ARHGEF17: variants seen among roughly 807,000 people sequenced by gnomAD.
The protein encoded by ARHGEF17 is 164 kDa Rho-specific guanine-nucleotide exchange factor.
A neutral mutation model predicts 174.0 loss-of-function variants in ARHGEF17; 80 were observed. The ratio of observed to expected loss-of-function variants is 0.46; its 90% CI spans 0.38 to 0.55. The LOEUF is 0.55. Among genes scored for constraint, ARHGEF17 ranks in the 20% least tolerant of loss-of-function variants. The pLI is 0.00. For synonymous variants in ARHGEF17, 1,311 were observed against 1,189.1 expected, an observed-to-expected ratio of 1.10 and a Z score of -2.11; for missense variants, 2,886 against 2,839.7, an observed-to-expected ratio of 1.02 and a Z score of -0.37.
rs529745637 is a variant in ARHGEF17, at chr11:73,311,062, C to T, written c.2424C>T (p.Gly808=). Residue 808 remains glycine (G), a synonymous_variant, in exon 1 of 21, where the codon GGC becomes GGT. Transcript: ENST00000263674. ...EVIQSIVQGP[G]TLGRVVDDRI... ...TTCAGAGCATAGTTCAGGGGCCTGG[C>T]ACCCTGGGGCGTGTGGTGGACGACA... is the stretch of plus-strand genomic sequence containing the variant. 3 of 1,610,344 alleles carry T rather than the reference C, an allele frequency of 1.9e-6. No homozygotes were observed. The highest frequency in any genetic ancestry group is 2.2e-5 in the South Asian group (2 of 91,060).
intron 1 of ARHGEF17, 65 bp from the exon 2 acceptor site, chr11:73,346,818 G>A (rs1326436007): frequency 7.7e-7 from 1 of 1,297,568 alleles, no homozygotes; most frequent in Non-Finnish European, 1.0e-6. Context: ...GGCACCATGT[G>A]GCTACAGGTG....
chr11:73,320,927 G>T (rs1865008023), intron 1 of ARHGEF17, among the ~76,000 whole-genome samples: 1 of 152,214 alleles, frequency 6.6e-6, no homozygotes, highest in African/African-American at 2.4e-5. Flanking sequence ...CTCCCAAAGT[G>T]CTGGGATGAT....
Position 73,308,878 on chromosome 11 carries a change from G to T in ARHGEF17, c.240G>T (p.Pro80=). The T allele has an allele frequency of 7.4e-7, 1 of 1,356,560 alleles. No individual in the cohort carries two copies. Among genetic ancestry groups the T allele is most frequent in the Non-Finnish European group, 9.4e-7 (1 of 1,060,788 alleles). The allele number at this position is 1,356,560 out of a possible 1,614,324, so 84.0% of individuals were successfully genotyped here. A position where few individuals can be genotyped will look rare whatever the true frequency, so the allele number is the denominator to read the frequency against. ...AQPRPLRSLS[P]SVRQLSRRFD... ...CGCGCCCGCTCCGCAGCCTCTCGCC[G>T]TCGGTTCGCCAGCTCTCCCGGCGCT... is the stretch of plus-strand genomic sequence containing the variant. The change falls in exon 1 of 21, where the codon CCG becomes CCT. Residue 80 remains proline (P), a synonymous_variant. Coordinates refer to ENST00000263674, the MANE Select transcript of ARHGEF17 (RefSeq NM_014786.4).
At position 73,310,078 on chromosome 11, in the gene ARHGEF17, A is replaced by G. The variant is rs150819195; in HGVS notation, c.1440A>G (p.Ser480=). 4,686 of 1,614,160 alleles carry G rather than the reference A, an allele frequency of 2.9e-3. 10 individuals are homozygous for G. The highest frequency in any genetic ancestry group is 2.9e-3 in the Non-Finnish European group (3,441 of 1,180,020). Reference sequence around the variant, plus strand: ...TGACGCTTCTCAGTTTCCTGCGCTCAGACCTTTCAGAGCTGAGGGTCCGAA... The same window carrying G: ...TGACGCTTCTCAGTTTCCTGCGCTCGGACCTTTCAGAGCTGAGGGTCCGAA... ...ETLTLLSFLR[S]DLSELRVRKP... Residue 480 remains serine (S), a synonymous_variant, in exon 1 of 21, where the codon TCA becomes TCG. Transcript: ENST00000263674.
intron 1 of ARHGEF17, among the ~76,000 whole-genome samples, chr11:73,318,033 T>A (rs1480110901): frequency 6.6e-6 from 1 of 152,056 alleles, no homozygotes; most frequent in African/African-American, 2.4e-5. Context: ...CTGTCCATGC[T>A]CTTGGGCACC....
intron 1 of ARHGEF17, among the ~76,000 whole-genome samples, chr11:73,341,984 C>T (rs551658504): frequency 1.2e-3 from 177 of 148,618 alleles, no homozygotes; most frequent in African/African-American, 4.2e-3. Context: ...GGTTGCTCGC[C>T]CCCACCCCTC....
rs200461350 is a variant in ARHGEF17, at chr11:73,311,474, A to T, written c.2836A>T (p.Ser946Cys). 25 of 1,613,180 alleles carry T rather than the reference A, an allele frequency of 1.5e-5. No homozygotes were observed. The East Asian group carries it at 5.6e-4, about 36-fold the overall frequency. ...CGAGGGCAGTCAGGACCAGACTGGC[A>T]GCCTGTCTCGGGCCCGGCCCTCCTC... ...RDEGSQDQTGSLSRARPSSRH... is the reference protein window; with the variant it reads ...RDEGSQDQTGCLSRARPSSRH... The change falls in exon 1 of 21, where the codon AGC becomes TGC. Residue 946 changes from serine to cysteine, a missense_variant. By Grantham distance (112) the Ser-to-Cys change is moderately radical (BLOSUM62 -1). Around this residue, in one of 4 missense-constraint regions of ARHGEF17, gnomAD observed 1,728 missense variants for 1,461.2 expected, o/e 1.18. Transcript: ENST00000263674.
intron 9 of ARHGEF17, 44 bp downstream of exon 9, chr11:73,357,371 G>C (rs1865663429): frequency 1.3e-6 from 2 of 1,564,392 alleles, no homozygotes; most frequent in South Asian, 2.3e-5. Flanking sequence ...GTCTTCCTCT[G>C]AGAAGCCCTC....
At position 73,330,466 on chromosome 11, in the gene ARHGEF17, G is replaced by A. The variant is rs141503371; in HGVS notation, c.3193-16417G>A. Among the ~76,000 whole-genome samples, 287 of 152,250 alleles carry A rather than the reference G, an allele frequency of 1.9e-3. 1 individual carries two copies. Among genetic ancestry groups the A allele is most frequent in the Non-Finnish European group, 3.4e-3 (229 of 68,032 alleles). On this transcript the variant is annotated intron_variant, in intron 1 of 20. Transcript: ENST00000263674. Reference sequence around the variant, plus strand: ...CTGGTGTGTAGTATGAGTTATGACTGCAACTCTTTTTTTTCTGGATGGTTG... The same window carrying A: ...CTGGTGTGTAGTATGAGTTATGACTACAACTCTTTTTTTTCTGGATGGTTG...
Position 73,308,726 on chromosome 11 carries a change from G to C in ARHGEF17, c.88G>C (p.Glu30Gln). 1 of 1,512,390 alleles carries C rather than the reference G, an allele frequency of 6.6e-7. No homozygotes were observed. Among genetic ancestry groups the C allele is most frequent in the South Asian group, 1.2e-5 (1 of 81,084 alleles). The allele number at this position is 1,512,390 out of a possible 1,614,324, so 93.7% of individuals were successfully genotyped here. A position where few individuals can be genotyped will look rare whatever the true frequency, so the allele number is the denominator to read the frequency against. Residue 30 changes from glutamate to glutamine, a missense_variant, in exon 1 of 21, where the codon GAG (glutamate) becomes CAG (glutamine). Transcript: ENST00000263674. Reference protein sequence around the residue: ...ERWSGGPGLREEDTDTPGLRR... With the variant: ...ERWSGGPGLRQEDTDTPGLRR... ...CTGGAGCGGCGGCCCCGGGCTGAGG[G>C]AGGAGGACACGGACACCCCCGGCTT...
chr11:73,323,790 TAGG>T (rs35418893), intron 1 of ARHGEF17, among the ~76,000 whole-genome samples: 6,510 of 152,312 alleles, frequency 0.043, 272 homozygotes, highest in Admixed American at 0.11. Context: ...GGTGGAGGAA[TAGG>T]AGAAGGGTGG....
chr11:73,329,339 A>G (rs1227056856), intron 1 of ARHGEF17, among the ~76,000 whole-genome samples: 90 of 2,114 alleles, frequency 0.043, 12 homozygotes, highest in African/African-American at 0.11. Context: ...ATATATATAT[A>G]TATATATATA....
intron 1 of ARHGEF17, among the ~76,000 whole-genome samples, chr11:73,339,006 G>T (rs567848110): frequency 6.6e-6 from 1 of 152,254 alleles, no homozygotes; most frequent in African/African-American, 2.4e-5. Context: ...GAGATTATGG[G>T]GTTCCTAGTC....
At chr11:73,346,822 AC>A (rs1865468833) in intron 1 of ARHGEF17, 60 bp from the exon 2 acceptor site, 2 of 1,303,038 alleles carry the variant, frequency 1.5e-6, no homozygotes, top group South Asian at 3.5e-5. Context: ...CCATGTGGCT[AC>A]AGGTGATGGG....
chr11:73,352,742 T>G, intron 2 of ARHGEF17, 88 bp from the exon 3 acceptor site: 1 of 1,457,476 alleles, frequency 6.9e-7, no homozygotes, highest in East Asian at 2.3e-5. Flanking sequence ...CCCGGGTGAT[T>G]CTGTGTGCAC....
At chr11:73,367,377 G>A (rs1050066919) in intron 20 of ARHGEF17, among the ~76,000 whole-genome samples, 2 of 152,222 alleles carry the variant, frequency 1.3e-5, no homozygotes, top group Non-Finnish European at 2.9e-5. Flanking sequence ...CCTGACTAGA[G>A]ATTACAGATG....
In ARHGEF17 at chr11:73,357,011, CT is replaced by C; in HGVS notation, c.3892-12del. On this transcript the variant is annotated splice_polypyrimidine_tract_variant and intron_variant, in intron 7 of 20. Coordinates refer to ENST00000263674, the MANE Select transcript of ARHGEF17 (RefSeq NM_014786.4). ...TGTGTCCACCCAGCCTGAATTCTGCCTTGGGCTCCACAGAAGGCGATCGGTG... is the reference window on the plus strand; with the variant it reads ...TGTGTCCACCCAGCCTGAATTCTGCCTGGGCTCCACAGAAGGCGATCGGTG... 6.2e-7 allele frequency: 1 copy of C among 1,613,828 alleles called. No homozygotes were observed. The highest frequency in any genetic ancestry group is 8.5e-7 in the Non-Finnish European group (1 of 1,179,786).
intron 9 of ARHGEF17, 43 bp from the exon 10 acceptor site, chr11:73,359,791 G>A (rs751007617): frequency 3.2e-5 from 47 of 1,484,972 alleles, no homozygotes; most frequent in Admixed American, 6.9e-5. Flanking sequence ...GCCTGACCTT[G>A]TCTGTCTCTG....
At chr11:73,355,761 C>A in intron 4 of ARHGEF17, 100 bp from the exon 5 acceptor site, 1 of 1,562,566 alleles carries the variant, frequency 6.4e-7, no homozygotes, top group Non-Finnish European at 8.8e-7. Flanking sequence ...GGCCAGCCTC[C>A]GCTCTCAGGC....
Sources: allele counts gnomAD v4.1 joint callset (sites outside exome capture counted in the v4.1 genomes callset), GRCh38; gene constraint gnomAD v4.1.1; regional missense constraint gnomAD v4.1.1; transcripts MANE v1.5; gene names NCBI Gene and HGNC (gene_info 2026-07-23, HGNC 2026-07-21).